Variants in PTPRC observed in about 807,000 individuals in gnomAD.
PTPRC encodes receptor-type tyrosine-protein phosphatase C.
PTPRC carries 44 observed loss-of-function variants against 155.9 expected under a neutral mutation model. The ratio of observed to expected loss-of-function variants is 0.28; its 90% CI spans 0.22 to 0.36. The LOEUF (loss-of-function observed/expected upper bound fraction) is 0.36, where lower values mean the gene tolerates loss of function less well. Ranked by LOEUF, PTPRC falls within the 10% of genes least tolerant of loss-of-function variation. The probability of loss-of-function intolerance (pLI) is 1.00; values close to 1 mark genes in which losing one functional copy is unlikely to be tolerated. For missense variants in PTPRC, 1,401 were observed against 1,564.6 expected (o/e 0.90, Z 1.76); for synonymous variants, 525 against 533.1 (o/e 0.98, Z 0.21).
intron 2 of PTPRC, among the ~76,000 whole-genome samples, chr1:198,645,843 C>A (rs1662909165): frequency 6.6e-6 from 1 of 151,712 alleles, no homozygotes; most frequent in South Asian, 2.1e-4. Context: ...GTTTGTAAAT[C>A]CACACACTTC....
intron 14 of PTPRC, among the ~76,000 whole-genome samples, chr1:198,719,820 AGGCT>A: frequency 6.6e-6 from 1 of 152,172 alleles, no homozygotes; most frequent in East Asian, 1.9e-4. Flanking sequence ...CATGTTGGCC[AGGCT>A]GGTCTGGAAC....
At chr1:198,641,757 C>T (rs776235909) in intron 2 of PTPRC, among the ~76,000 whole-genome samples, 1 of 151,986 alleles carries the variant, frequency 6.6e-6, no homozygotes, top group Non-Finnish European at 1.5e-5. Context: ...CACACTATAG[C>T]ATGGCAGTTA....
chr1:198,693,638 C>A (rs1285594179), intron 3 of PTPRC, among the ~76,000 whole-genome samples: 1 of 152,154 alleles, frequency 6.6e-6, no homozygotes. Flanking sequence ...GGAAAATGGT[C>A]TCTCCCAAAT....
chr1:198,668,260 G>A (rs183350870), intron 2 of PTPRC, among the ~76,000 whole-genome samples: 1 of 152,052 alleles, frequency 6.6e-6, no homozygotes, highest in African/African-American at 2.4e-5. Context: ...TCCCCAGGCT[G>A]GTTTCAAACT....
At chr1:198,663,009 C>T (rs1032714175) in intron 2 of PTPRC, among the ~76,000 whole-genome samples, 1 of 152,172 alleles carries the variant, frequency 6.6e-6, no homozygotes, top group African/African-American at 2.4e-5. Context: ...AGAGCAAGAG[C>T]TACTGGCCAA....
intron 25 of PTPRC, among the ~76,000 whole-genome samples, chr1:198,743,067 CAAAAAA>C (rs10628640): frequency 2.6e-5 from 2 of 75,952 alleles, no homozygotes; most frequent in Admixed American, 1.5e-4. Context: ...GTCAAAATAG[CAAAAAA>C]AAAAAAAAAA....
At chr1:198,658,678 T>C (rs950865329) in intron 2 of PTPRC, among the ~76,000 whole-genome samples, 1 of 152,168 alleles carries the variant, frequency 6.6e-6, no homozygotes, top group Non-Finnish European at 1.5e-5. Flanking sequence ...AGTTTGGCAT[T>C]TGTTACCCAG....
At chr1:198,679,146 C>T in intron 2 of PTPRC, 1 of 210,624 alleles carries the variant, frequency 4.7e-6, no homozygotes, top group Admixed American at 4.3e-5. Flanking sequence ...ACTTCCCAGA[C>T]AGCTGCTCCT....
chr1:198,727,642 C>T (rs908598954), intron 15 of PTPRC, among the ~76,000 whole-genome samples: 1 of 152,090 alleles, frequency 6.6e-6, no homozygotes, highest in East Asian at 1.9e-4. Context: ...GCTAAGCAGT[C>T]GGGCTCTGGA....
At chr1:198,642,474 G>A (rs1662651584) in intron 2 of PTPRC, among the ~76,000 whole-genome samples, 1 of 151,310 alleles carries the variant, frequency 6.6e-6, no homozygotes, top group Admixed American at 6.6e-5. Context: ...TCTCCATTTG[G>A]TTACGTATCA....
intron 2 of PTPRC, among the ~76,000 whole-genome samples, chr1:198,653,719 T>C (rs1401648329): frequency 1.3e-5 from 2 of 151,916 alleles, no homozygotes; most frequent in African/African-American, 4.8e-5. Context: ...AAGAGTATTC[T>C]TTACATTTTA....
At chr1:198,673,220 C>G (rs889558048) in intron 2 of PTPRC, among the ~76,000 whole-genome samples, 11 of 152,046 alleles carry the variant, frequency 7.2e-5, no homozygotes, top group African/African-American at 2.4e-4. Flanking sequence ...GGTAGGCATT[C>G]TTTCTCTCTG....
chr1:198,710,297 T>C (rs997915298), intron 11 of PTPRC, among the ~76,000 whole-genome samples: 1 of 152,214 alleles, frequency 6.6e-6, no homozygotes, highest in African/African-American at 2.4e-5. Flanking sequence ...TTTATTTTAT[T>C]GATTTATATG....
chr1:198,726,123 T>G (rs541806360), intron 15 of PTPRC, among the ~76,000 whole-genome samples: 16 of 152,356 alleles, frequency 1.1e-4, no homozygotes, highest in Admixed American at 2.0e-4. Context: ...CTAATTATTA[T>G]GGATTGGAAT....
chr1:198,743,928 C>T, intron 25 of PTPRC, 126 bp from the exon 26 acceptor site: 3 of 881,582 alleles, frequency 3.4e-6, no homozygotes, highest in Non-Finnish European at 5.4e-6. Context: ...TTATAGATAT[C>T]AATTTACTTT....
intron 2 of PTPRC, among the ~76,000 whole-genome samples, chr1:198,654,972 T>C (rs190501830): frequency 1.8e-4 from 27 of 152,068 alleles, no homozygotes; most frequent in African/African-American, 6.3e-4. Flanking sequence ...AATAACACTT[T>C]GCTGTTTATG....
intron 2 of PTPRC, among the ~76,000 whole-genome samples, chr1:198,680,242 A>C (rs1665237155): frequency 6.6e-6 from 1 of 152,144 alleles, no homozygotes. Context: ...TTACCTAAGG[A>C]CGGAGTTCGA....
At chr1:198,694,930 T>C (rs1167718048) in intron 3 of PTPRC, 1 of 980,434 alleles carries the variant, frequency 1.0e-6, no homozygotes, top group Middle Eastern at 5.3e-4. Context: ...CATGTCATTA[T>C]GGGTAAAAGT....
At chr1:198,699,497 C>T (rs989268093) in intron 4 of PTPRC, 67 bp from the exon 5 acceptor site, 6 of 1,579,642 alleles carry the variant, frequency 3.8e-6, no homozygotes, top group Non-Finnish European at 5.2e-6. Context: ...CTCCTTATAA[C>T]CTCTTAGTAA....
Sources: gnomAD v4.1 joint callset for allele counts (sites outside exome capture counted in the v4.1 genomes callset) on GRCh38, gnomAD v4.1.1 for gene constraint, MANE v1.5 for transcripts, NCBI Gene and HGNC (gene_info 2026-07-23, HGNC 2026-07-21) for gene names.